Variants in CTR9 observed in about 807,000 individuals in gnomAD.
CTR9 encodes CTR9 component of Paf1/RNA polymerase II complex, also known as RNA polymerase-associated protein CTR9 homolog.
In CTR9, 41 loss-of-function variants were observed where a neutral mutation model predicts 152.1. The observed-to-expected ratio is 0.27, with a 90% CI of 0.21 to 0.35. The LOEUF (loss-of-function observed/expected upper bound fraction) is 0.35, where lower values mean the gene tolerates loss of function less well. Among genes scored for constraint, CTR9 ranks in the 10% least tolerant of loss-of-function variants. The probability of loss-of-function intolerance (pLI) is 1.00; values close to 1 mark genes in which losing one functional copy is unlikely to be tolerated. For missense variants in CTR9, 917 were observed against 1,424.4 expected (o/e 0.64, Z 5.73); for synonymous variants, 476 against 496.2 (o/e 0.96, Z 0.54).
At position 10,772,669 on chromosome 11, in the gene CTR9, T is replaced by C. The variant is rs774060095; in HGVS notation, c.2580+14T>C. On this transcript the variant is annotated intron_variant, in intron 20 of 24. Coordinates refer to ENST00000361367, the MANE Select transcript of CTR9 (RefSeq NM_014633.5). Reference sequence around the variant, plus strand: ...CTTAAAGAACAGGTATCTTGTATTTTCCAGTTATACTGGAATTAATGAATT... The same window carrying C: ...CTTAAAGAACAGGTATCTTGTATTTCCCAGTTATACTGGAATTAATGAATT... The C allele has an allele frequency of 6.3e-7, 1 of 1,583,196 alleles. No homozygotes were observed. Among genetic ancestry groups the C allele is most frequent in the Non-Finnish European group, 8.6e-7 (1 of 1,168,216 alleles).
At chr11:10,758,300 G>T (rs1862918985) in intron 5 of CTR9, among the ~76,000 whole-genome samples, 1 of 152,144 alleles carries the variant, frequency 6.6e-6, no homozygotes, top group South Asian at 2.1e-4. Flanking sequence ...AAGGGGAGGG[G>T]GTCAAGGACA....
At chr11:10,775,107 TAGA>T (rs900925396) in intron 22 of CTR9, 97 bp from the exon 23 acceptor site, 2 of 904,166 alleles carry the variant, frequency 2.2e-6, no homozygotes, top group African/African-American at 1.7e-5. Context: ...AGCACCCATA[TAGA>T]AGAGGATTCA....
At chr11:10,761,915 T>C in intron 6 of CTR9, 32 bp from the exon 7 acceptor site, 5 of 1,414,232 alleles carry the variant, frequency 3.5e-6, no homozygotes, top group Non-Finnish European at 4.9e-6. Flanking sequence ...AGTATTGTTT[T>C]CACTCCACCT....
chr11:10,756,328 G>T (rs1225579064), intron 4 of CTR9, among the ~76,000 whole-genome samples: 1 of 152,146 alleles, frequency 6.6e-6, no homozygotes. Flanking sequence ...ATGGGGGTTT[G>T]TTGTGCAGGT....
At position 10,778,678 on chromosome 11, in the gene CTR9, G is replaced by T. The variant is rs1335804872; in HGVS notation, c.3096-1G>T. 6.2e-7 allele frequency: 1 copy of T among 1,606,308 alleles called. No homozygotes were observed. Among genetic ancestry groups the T allele is most frequent in the East Asian group, 2.2e-5 (1 of 44,706 alleles). On this transcript the variant is annotated splice_acceptor_variant, in intron 24 of 24. Transcript: ENST00000361367. LOFTEE classifies it high-confidence loss of function. ...TTCTAACCAATGATCATCTTTGCCAGACATCCCAGGAACAGCAACAGCAAC... is the reference window on the plus strand; with the variant it reads ...TTCTAACCAATGATCATCTTTGCCATACATCCCAGGAACAGCAACAGCAAC...
At chr11:10,776,748 G>A (rs7937945) in intron 24 of CTR9, among the ~76,000 whole-genome samples, 4 of 151,822 alleles carry the variant, frequency 2.6e-5, no homozygotes, top group South Asian at 2.1e-4. Context: ...CAACGTGGGC[G>A]GATCACTTGA....
intron 24 of CTR9, among the ~76,000 whole-genome samples, chr11:10,777,764 G>T (rs1863265581): frequency 6.6e-6 from 1 of 152,150 alleles, no homozygotes; most frequent in Non-Finnish European, 1.5e-5. Flanking sequence ...AGACCCACAG[G>T]TCTTTAATAT....
intron 5 of CTR9, among the ~76,000 whole-genome samples, chr11:10,759,027 C>T (rs548353116): frequency 2.0e-5 from 3 of 152,134 alleles, no homozygotes; most frequent in Non-Finnish European, 4.4e-5. Context: ...TTCCAAATCC[C>T]GTTATTTAAA....
In CTR9 at chr11:10,773,128, A is replaced by T; in HGVS notation, c.2582A>T (p.Glu861Val). The T allele has an allele frequency of 1.3e-6, 2 of 1,592,082 alleles. No individual in the cohort carries two copies. Among genetic ancestry groups the T allele is most frequent in the Non-Finnish European group, 1.7e-6 (2 of 1,174,982 alleles). The change falls in exon 21 of 25, where the codon GAA becomes GTA. Residue 861 changes from glutamate to valine, a missense_variant and splice_region_variant. Physicochemically the swap from Glu to Val is moderately radical, Grantham distance 121. Transcript: ENST00000361367. Reference protein sequence around the residue: ...LLRQKLLKEQEEKRLREKEEQ... With the variant: ...LLRQKLLKEQVEKRLREKEEQ... ...CTTTTCTACCATTTTTCCTCATAGG[A>T]AGAGAAACGTCTCAGAGAAAAGGAA...
Position 10,770,287 on chromosome 11 carries a change from G to A in CTR9, c.2187G>A (p.Lys729=), listed in dbSNP as rs1452018491. 3 of 1,613,928 alleles carry A rather than the reference G, an allele frequency of 1.9e-6. No individual in the cohort carries two copies. The highest frequency in any genetic ancestry group is 2.5e-6 in the Non-Finnish European group (3 of 1,179,968). The change falls in exon 17 of 25, where the codon AAG becomes AAA. Residue 729 remains lysine (K), a synonymous_variant. Transcript: ENST00000361367. ...VVLYLARALF[K]CGKLQECKQT... Reference sequence around the variant, plus strand: ...TCTATTTGGCCCGGGCCCTCTTCAAGTGTGGCAAGTTACAGGAATGCAAAC... The same window carrying A: ...TCTATTTGGCCCGGGCCCTCTTCAAATGTGGCAAGTTACAGGAATGCAAAC...
intron 22 of CTR9, chr11:10,774,378 C>T: frequency 2.3e-6 from 1 of 433,290 alleles, no homozygotes; most frequent in East Asian, 3.6e-5. Flanking sequence ...CACAGCTTTC[C>T]TTCTAAGCGC....
At chr11:10,765,399 T>C (rs1301519024) in intron 12 of CTR9, among the ~76,000 whole-genome samples, 1 of 152,174 alleles carries the variant, frequency 6.6e-6, no homozygotes, top group African/African-American at 2.4e-5. Context: ...TTTTGTACTT[T>C]CTTTAAAAAG....
intron 16 of CTR9, among the ~76,000 whole-genome samples, chr11:10,768,890 G>T (rs1863099916): frequency 6.6e-6 from 1 of 152,198 alleles, no homozygotes; most frequent in Non-Finnish European, 1.5e-5. Flanking sequence ...AAACTGAACT[G>T]TGAGTTTTAG....
At position 10,755,095 on chromosome 11, in the gene CTR9, A is replaced by G. The variant is rs1391825484; in HGVS notation, c.282A>G (p.Val94=). 5.6e-6 allele frequency: 9 copies of G among 1,614,148 alleles called. No homozygotes were observed. Among genetic ancestry groups the G allele is most frequent in the South Asian group, 1.1e-5 (1 of 91,078 alleles). The stretch of plus-strand genomic sequence containing the variant: ...TGGATACATTGGCAGCGTATTATGT[A>G]CAACAGGCTCGGAAAGAAAAGAATA... ...TCLDTLAAYY[V]QQARKEKNKD... is the part of the protein sequence containing the mutation. Residue 94 remains valine, a synonymous_variant, in exon 3 of 25, where the codon GTA becomes GTG. Transcript: ENST00000361367.
At chr11:10,775,405 T>G (rs1222579267) in intron 23 of CTR9, 102 bp downstream of exon 23, 3 of 1,403,532 alleles carry the variant, frequency 2.1e-6, no homozygotes, top group Non-Finnish European at 3.0e-6. Context: ...GCACAAATGC[T>G]TGTTTTCAAA....
At chr11:10,770,763 C>T (rs1319986375) in intron 18 of CTR9, 131 bp downstream of exon 18, 6 of 841,538 alleles carry the variant, frequency 7.1e-6, no homozygotes, top group Non-Finnish European at 1.0e-5. Context: ...AAATCACTTC[C>T]TTCTAAAGGT....
rs1863286852 is a variant in CTR9, at chr11:10,778,943, C to G, written c.3360C>G (p.Asp1120Glu). 3.7e-6 allele frequency: 6 copies of G among 1,614,176 alleles called. No homozygotes were observed. In the Middle Eastern group the frequency reaches 6.6e-4, roughly 178 times the overall value. The change falls in exon 25 of 25, where the codon GAC becomes GAG. Residue 1120 changes from aspartate to glutamate, a missense_variant. Physicochemically the swap from Asp to Glu is conservative, Grantham distance 45 (BLOSUM62 2). Around this residue, in one of 9 missense-constraint regions of CTR9, gnomAD observed 384 missense variants for 398.4 expected, o/e 0.96. Coordinates refer to ENST00000361367, the MANE Select transcript of CTR9 (RefSeq NM_014633.5). ...GRSHSGVSEN[D>E]SRPASPSAES... ...GCCACTCAGGAGTTTCTGAGAACGACTCTCGCCCAGCTTCTCCAAGTGCCG... is the reference window on the plus strand; with the variant it reads ...GCCACTCAGGAGTTTCTGAGAACGAGTCTCGCCCAGCTTCTCCAAGTGCCG...
At position 10,767,904 on chromosome 11, in the gene CTR9, A is replaced by G; in HGVS notation, c.1785A>G (p.Pro595=). 1.2e-6 allele frequency: 2 copies of G among 1,614,160 alleles called. No individual in the cohort carries two copies. Among genetic ancestry groups the G allele is most frequent in the South Asian group, 1.1e-5 (1 of 91,082 alleles). ...QKKFERILKQ[P]STQSDTYSML... ...AGTTTGAGAGGATATTAAAACAGCC[A>G]TCCACACAGAGTGATACCTATTCTA... The change falls in exon 14 of 25, where the codon CCA becomes CCG. Residue 595 remains proline (P), a synonymous_variant. Coordinates refer to ENST00000361367, the MANE Select transcript of CTR9 (RefSeq NM_014633.5). The surrounding 1 kb of genome is among the most constrained non-coding windows in gnomAD (Gnocchi z 4.0).
At chr11:10,771,695 A>G in intron 19 of CTR9, 79 bp downstream of exon 19, 1 of 994,740 alleles carries the variant, frequency 1.0e-6, no homozygotes, top group Non-Finnish European at 1.6e-6. Context: ...CACAGTAGGG[A>G]ACAGAGGTTC....
Sources: gnomAD v4.1 joint callset for allele counts (sites outside exome capture counted in the v4.1 genomes callset) on GRCh38, gnomAD v4.1.1 for gene constraint, gnomAD v4.1.1 regional missense constraint, Gnocchi (gnomAD v3.1) non-coding constraint, MANE v1.5 for transcripts, NCBI Gene and HGNC (gene_info 2026-07-23, HGNC 2026-07-21) for gene names.